The following PACRG variants were observed in gnomAD, a reference collection of about 807,000 sequenced individuals.
PACRG encodes parkin coregulated, also known as parkin coregulated gene protein.
PACRG carries 29 observed loss-of-function variants against 29.7 expected under a neutral mutation model. That is an observed-to-expected ratio of 0.98 (90% confidence interval 0.73 to 1.33). The LOEUF is 1.33. Among genes scored for constraint, PACRG ranks in the 40% most tolerant of loss-of-function variants. The pLI is 0.00. For synonymous variants in PACRG, 116 were observed against 118.7 expected (o/e 0.98, Z 0.15); for missense variants, 279 against 316.2 (o/e 0.88, Z 0.89).
chr6:163,284,578 A>G (rs1416523024), intron 4 of PACRG, among the ~76,000 whole-genome samples: 5 of 152,228 alleles, frequency 3.3e-5, no homozygotes, highest in East Asian at 1.9e-4. Flanking sequence ...TTTTAAAACC[A>G]TCTTATTCTA....
At chr6:163,131,987 C>T (rs563884888) in intron 4 of PACRG, among the ~76,000 whole-genome samples, 185 of 152,166 alleles carry the variant, frequency 1.2e-3, no homozygotes, top group Non-Finnish European at 2.3e-3. Flanking sequence ...CAAACTACTG[C>T]GTAGCCATTT....
chr6:162,734,454 T>A (rs761228862), intron 1 of PACRG, among the ~76,000 whole-genome samples: 3 of 126,116 alleles, frequency 2.4e-5, no homozygotes. Flanking sequence ...AATTAAATTA[T>A]ATCAAACATC....
chr6:162,822,900 C>T, intron 2 of PACRG, among the ~76,000 whole-genome samples: 1 of 152,048 alleles, frequency 6.6e-6, no homozygotes, highest in East Asian at 1.9e-4. Context: ...TGTATTATAA[C>T]ATATATGTAT....
chr6:163,029,895 T>G (rs1807495804), intron 2 of PACRG, among the ~76,000 whole-genome samples: 1 of 152,154 alleles, frequency 6.6e-6, no homozygotes, highest in South Asian at 2.1e-4. Flanking sequence ...AGGTACTTGT[T>G]GGGCATAGCT....
chr6:163,220,637 C>A (rs1781548135), intron 4 of PACRG, among the ~76,000 whole-genome samples: 1 of 152,134 alleles, frequency 6.6e-6, no homozygotes, highest in Non-Finnish European at 1.5e-5. Flanking sequence ...TTTGAAACTT[C>A]CAGATGTGTG....
intron 2 of PACRG, among the ~76,000 whole-genome samples, chr6:162,919,319 G>C (rs116547896): frequency 6.6e-6 from 1 of 152,110 alleles, no homozygotes; most frequent in Admixed American, 6.6e-5. Context: ...AGACAGTATG[G>C]GATTCCCAAT....
rs369286078 is a variant in PACRG, at chr6:163,239,776, CCA to C, written c.614-75037_614-75036del. 3.4e-3 allele frequency among the ~76,000 whole-genome samples: 486 copies of C among 144,996 alleles called. 7 individuals are homozygous for C. The highest frequency in any genetic ancestry group is 0.01 in the African/African-American group (393 of 39,140). On this transcript the variant is annotated intron_variant, in intron 4 of 4. Transcript: ENST00000366888. Reference sequence around the variant, plus strand: ...TGCACACACACTCACACCTCCACCCCCACACACACACACACTCACACATTCAC... The same window carrying C: ...TGCACACACACTCACACCTCCACCCCCACACACACACACTCACACATTCAC...
chr6:163,184,248 A>G (rs1387979485), intron 4 of PACRG, among the ~76,000 whole-genome samples: 1 of 152,278 alleles, frequency 6.6e-6, no homozygotes, highest in Admixed American at 6.5e-5. Flanking sequence ...ATAATAGAAC[A>G]TAGAGTAACT....
chr6:163,114,516 A>G (rs1585231811), intron 4 of PACRG, among the ~76,000 whole-genome samples: 1 of 152,222 alleles, frequency 6.6e-6, no homozygotes, highest in African/African-American at 2.4e-5. Flanking sequence ...TATGCATGTT[A>G]TTCAGTCTTG....
chr6:163,117,415 A>G (rs536281370), intron 4 of PACRG, among the ~76,000 whole-genome samples: 1 of 152,304 alleles, frequency 6.6e-6, no homozygotes, highest in South Asian at 2.1e-4. Context: ...GCTCCCAGGA[A>G]ATCAGAAAGG....
chr6:163,226,021 AAAC>A (rs1034767142), intron 4 of PACRG, among the ~76,000 whole-genome samples: 1 of 152,190 alleles, frequency 6.6e-6, no homozygotes, highest in African/African-American at 2.4e-5. Context: ...TCTACCAAAA[AAAC>A]AAAATAAAAA....
At chr6:162,747,165 G>A (rs145606101) in intron 1 of PACRG, among the ~76,000 whole-genome samples, 225 of 151,158 alleles carry the variant, frequency 1.5e-3, no homozygotes, top group Admixed American at 2.5e-3. Context: ...TTAATCAGCT[G>A]CCAGCACGGC....
chr6:163,137,390 G>A (rs776459681), intron 4 of PACRG, among the ~76,000 whole-genome samples: 46 of 151,724 alleles, frequency 3.0e-4, no homozygotes, highest in Non-Finnish European at 5.6e-4. Flanking sequence ...GCCAGTCCTC[G>A]GCATCGTTTT....
At chr6:162,856,577 A>G (rs1365782101) in intron 2 of PACRG, among the ~76,000 whole-genome samples, 1 of 132,002 alleles carries the variant, frequency 7.6e-6, no homozygotes, top group Non-Finnish European at 1.6e-5. Context: ...TTAATAGGTG[A>G]GCGGCACGTC....
At chr6:163,166,228 T>C (rs2128344167) in intron 4 of PACRG, 1 of 456,230 alleles carries the variant, frequency 2.2e-6, no homozygotes, top group East Asian at 7.0e-5. Flanking sequence ...CTCTCCCTGC[T>C]CTCCTCTTTG....
intron 4 of PACRG, among the ~76,000 whole-genome samples, chr6:163,188,457 T>C (rs1448892368): frequency 6.6e-6 from 1 of 152,182 alleles, no homozygotes; most frequent in Non-Finnish European, 1.5e-5. Context: ...CTTGTTAAAA[T>C]ACTGACGTGA....
At chr6:163,168,666 G>C (rs999579636) in intron 4 of PACRG, among the ~76,000 whole-genome samples, 8 of 152,202 alleles carry the variant, frequency 5.3e-5, no homozygotes, top group Admixed American at 2.6e-4. Context: ...GTCTGAGACT[G>C]AGTGTGGGTT....
chr6:163,134,900 AC>A lies in PACRG; in HGVS notation c.613+45493del. On this transcript the variant is annotated intron_variant, in intron 4 of 4. Transcript: ENST00000366888. ...TCACAAGATTCTTAAGGGGAAAAAA[AC>A]ATTTCGAATAACACCGACACCACCT... 1.3e-5 allele frequency among the ~76,000 whole-genome samples: 2 copies of A among 152,322 alleles called. 1 individual carries two copies. Among genetic ancestry groups the A allele is most frequent in the Middle Eastern group, 6.8e-3 (2 of 294 alleles).
intron 2 of PACRG, among the ~76,000 whole-genome samples, chr6:162,985,615 A>C (rs1802822601): frequency 1.3e-5 from 2 of 152,116 alleles, no homozygotes; most frequent in Non-Finnish European, 2.9e-5. Flanking sequence ...GAATGGGGAA[A>C]ATTTGAAAGC....
Sources: gnomAD v4.1 joint callset for allele counts (sites outside exome capture counted in the v4.1 genomes callset) on GRCh38, gnomAD v4.1.1 for gene constraint, MANE v1.5 for transcripts, NCBI Gene and HGNC (gene_info 2026-07-23, HGNC 2026-07-21) for gene names.